Variants in TBC1D8 observed in about 807,000 individuals in gnomAD.
TBC1D8 encodes TBC1 domain family member 8, also known as BUB2-like protein 1.
A neutral mutation model predicts 118.8 loss-of-function variants in TBC1D8; 65 were observed. The observed-to-expected ratio is 0.55, with a 90% CI of 0.45 to 0.67. TBC1D8 has a LOEUF of 0.67. TBC1D8 is among the 30% of genes least tolerant of loss of function. The probability of loss-of-function intolerance (pLI) is 0.00; values close to 1 mark genes in which losing one functional copy is unlikely to be tolerated. For synonymous variants in TBC1D8, 566 were observed against 595.8 expected (o/e 0.95, Z 0.73); for missense variants, 1,376 against 1,471.2 (o/e 0.94, Z 1.06).
chr2:101,011,335 C>A, intron 18 of TBC1D8, 116 bp downstream of exon 18: 1 of 1,084,490 alleles, frequency 9.2e-7, no homozygotes, highest in Non-Finnish European at 1.4e-6. Context: ...GGGGATAATT[C>A]ATTGGACGAA....
chr2:101,033,302 AT>A, intron 10 of TBC1D8: 2 of 563,008 alleles, frequency 3.6e-6, no homozygotes, highest in South Asian at 1.8e-5. Flanking sequence ...TTTTTAGTAG[AT>A]GGGGTTTCAC....
intron 1 of TBC1D8, 64 bp downstream of exon 1, chr2:101,151,063 G>A: frequency 2.1e-6 from 2 of 968,062 alleles, no homozygotes; most frequent in Middle Eastern, 5.3e-4. Context: ...ACTGGGGGCC[G>A]CGGGCCCGGC....
chr2:101,104,226 AATAG>A (rs58567315), intron 1 of TBC1D8, among the ~76,000 whole-genome samples: 24,135 of 152,176 alleles, frequency 0.16, 1,928 homozygotes, highest in African/African-American at 0.19. Context: ...AGGAGATCTA[AATAG>A]ATAGATATTC....
chr2:101,046,956 A>C (rs1274163711), intron 5 of TBC1D8, among the ~76,000 whole-genome samples: 1 of 152,118 alleles, frequency 6.6e-6, no homozygotes, highest in African/African-American at 2.4e-5. Context: ...ATCACTCTCC[A>C]ACTACCCTCC....
chr2:101,118,558 T>C (rs185804040), intron 1 of TBC1D8, among the ~76,000 whole-genome samples: 1 of 151,872 alleles, frequency 6.6e-6, no homozygotes, highest in Admixed American at 6.6e-5. Context: ...TTAGCCAGGC[T>C]TGGTGGCAGG....
At chr2:101,034,636 TGTGTGTGTGCAC>T (rs893879505) in intron 9 of TBC1D8, among the ~76,000 whole-genome samples, 12 of 152,124 alleles carry the variant, frequency 7.9e-5, no homozygotes, top group Non-Finnish European at 1.6e-4. Flanking sequence ...TGTGCAGGCA[TGTGTGTGTGCAC>T]GTGTGTGTGC....
chr2:101,066,786 A>G (rs1479947996), intron 2 of TBC1D8, among the ~76,000 whole-genome samples: 1 of 152,126 alleles, frequency 6.6e-6, no homozygotes, highest in Non-Finnish European at 1.5e-5. Flanking sequence ...CTCTATTAAA[A>G]ATACGAAAGT....
intron 1 of TBC1D8, among the ~76,000 whole-genome samples, chr2:101,096,993 C>T (rs1190366195): frequency 6.6e-6 from 1 of 151,898 alleles, no homozygotes; most frequent in Non-Finnish European, 1.5e-5. Flanking sequence ...ACAGAGAACA[C>T]TAAGCAAAAT....
intron 2 of TBC1D8, among the ~76,000 whole-genome samples, chr2:101,065,639 A>G (rs1158197499): frequency 6.6e-6 from 1 of 152,228 alleles, no homozygotes; most frequent in Non-Finnish European, 1.5e-5. Context: ...TCAGTCGGGT[A>G]TATTTCTCAC....
Position 101,121,290 on chromosome 2 carries a change from TTAAC to T in TBC1D8, c.127+29833_127+29836del, listed in dbSNP as rs1574063188. On this transcript the variant is annotated intron_variant, in intron 1 of 19. Transcript: ENST00000409318. Reference sequence around the variant, plus strand: ...CGTGTCATTCCAGTCCCTCCCATCATTAACTAACACATATCAGACATATGACACG... The same window carrying T: ...CGTGTCATTCCAGTCCCTCCCATCATTAACACATATCAGACATATGACACG... 2.0e-5 allele frequency among the ~76,000 whole-genome samples: 3 copies of T among 152,354 alleles called. No individual in the cohort carries two copies. The East Asian group carries it at 5.8e-4, about 29-fold the overall frequency.
At chr2:101,126,134 GC>G (rs1266711605) in intron 1 of TBC1D8, among the ~76,000 whole-genome samples, 2 of 152,180 alleles carry the variant, frequency 1.3e-5, no homozygotes, top group African/African-American at 4.8e-5. Context: ...GGTGAAGGGA[GC>G]TGGCATATAC....
At chr2:101,008,416 C>T (rs760148749) in intron 19 of TBC1D8, 143 bp from the exon 20 acceptor site, 63 of 694,640 alleles carry the variant, frequency 9.1e-5, no homozygotes, top group Non-Finnish European at 1.3e-4. Flanking sequence ...TCTGCCTTTC[C>T]ACTCTAAACT....
chr2:101,125,373 C>T (rs1014017683), intron 1 of TBC1D8, among the ~76,000 whole-genome samples: 2 of 152,204 alleles, frequency 1.3e-5, no homozygotes, highest in East Asian at 1.9e-4. Context: ...TTATGAAACA[C>T]TTGCAAAGTC....
Position 101,029,670 on chromosome 2 carries a change from C to CGA in TBC1D8, c.2041_2042dup (p.Trp682ArgfsTer4), listed in dbSNP as rs1558634194. The CGA allele has an allele frequency of 4.3e-6, 7 of 1,613,866 alleles. No homozygotes were observed. The highest frequency in any genetic ancestry group is 1.1e-5 in the South Asian group (1 of 91,088). On this transcript the variant is annotated frameshift_variant, in exon 12 of 20. Transcript: ENST00000409318. LOFTEE classifies it high-confidence loss of function. ...TGCTGAGGAACAGGGTCAGGAACCA[C>CGA]GAGAGAGAGACGGACGCCAGGGCTG...
intron 2 of TBC1D8, chr2:101,068,461 G>T: frequency 2.7e-6 from 1 of 366,736 alleles, no homozygotes; most frequent in South Asian, 2.9e-5. Context: ...CGAAAGTGAA[G>T]TCAATGTTCC....
At chr2:101,140,103 T>C (rs1195719764) in intron 1 of TBC1D8, among the ~76,000 whole-genome samples, 5 of 152,200 alleles carry the variant, frequency 3.3e-5, no homozygotes, top group African/African-American at 9.6e-5. Flanking sequence ...AAACTTTCAT[T>C]ATTTTTATGC....
At chr2:101,139,088 ATT>A (rs35049129) in intron 1 of TBC1D8, among the ~76,000 whole-genome samples, 1 of 149,528 alleles carries the variant, frequency 6.7e-6, no homozygotes, top group East Asian at 1.9e-4. Context: ...TCTTCCATGC[ATT>A]TTTTTTTTCA....
rs559969020 is a variant in TBC1D8 at position 101,049,677 on chromosome 2, G to A, written c.872+724C>T. 2.0e-3 allele frequency among the ~76,000 whole-genome samples: 306 copies of A among 151,882 alleles called. 1 individual carries two copies. Among genetic ancestry groups the A allele is most frequent in the African/African-American group, 6.9e-3 (287 of 41,400 alleles). ...TGAGAGGCAGAGGTTGCAGTGAGCC[G>A]AGATAGCACCGTTGTACTCCAGCCT... On this transcript the variant is annotated intron_variant, in intron 5 of 19. Coordinates refer to ENST00000409318, the MANE Select transcript of TBC1D8 (RefSeq NM_001330348.2).
intron 15 of TBC1D8, among the ~76,000 whole-genome samples, chr2:101,023,059 C>T (rs929249667): frequency 1.3e-5 from 2 of 151,918 alleles, no homozygotes; most frequent in Non-Finnish European, 2.9e-5. Context: ...ACAGGAGAAT[C>T]GCTTGAACTC....
Sources: gnomAD v4.1 joint callset for allele counts (sites outside exome capture counted in the v4.1 genomes callset) on GRCh38, gnomAD v4.1.1 for gene constraint, MANE v1.5 for transcripts, NCBI Gene and HGNC (gene_info 2026-07-23, HGNC 2026-07-21) for gene names.